HLA-DPB1: variants seen among roughly 807,000 people sequenced by gnomAD.
HLA-DPB1 encodes major histocompatibility complex, class II, DP beta 1.
A neutral mutation model predicts 29.4 loss-of-function variants in HLA-DPB1; 30 were observed. The observed-to-expected ratio is 1.02, with a 90% CI of 0.76 to 1.38. The LOEUF (loss-of-function observed/expected upper bound fraction) is 1.38. Ranked by LOEUF, HLA-DPB1 falls within the 40% of genes most tolerant of loss-of-function variation. The pLI, the probability that HLA-DPB1 is intolerant of heterozygous loss-of-function variation, is 0.00. For synonymous variants in HLA-DPB1, 114 were observed against 134.0 expected, an observed-to-expected ratio of 0.85 and a Z score of 1.03; for missense variants, 261 against 327.5, an observed-to-expected ratio of 0.80 and a Z score of 1.57.
intron 2 of HLA-DPB1, 23 bp from the exon 3 acceptor site, chr6:33,084,927 T>C (rs1413747086): frequency 2.1e-6 from 3 of 1,433,504 alleles, no homozygotes; most frequent in East Asian, 2.5e-5. Context: ...TTCTATTTCA[T>C]TATTTTTCTT....
At chr6:33,076,500 G>A (rs1047663925) in intron 1 of HLA-DPB1, among the ~76,000 whole-genome samples, 6 of 152,186 alleles carry the variant, frequency 3.9e-5, no homozygotes, top group African/African-American at 1.2e-4. Flanking sequence ...CAGCCTGGAG[G>A]GGACTCAGGC....
In HLA-DPB1 at chr6:33,087,396, T is replaced by C. The variant is rs1479588172; in HGVS notation, c.*862T>C. ...AAAGCAATACATGTAGCACTCTTTT[T>C]CAAACACTGGTCTTTTTTTTTTTCT... is the stretch of plus-strand genomic sequence containing the variant. On this transcript the variant is annotated 3_prime_UTR_variant, in exon 6 of 6. Coordinates refer to ENST00000418931, the MANE Select transcript of HLA-DPB1 (RefSeq NM_002121.6). Among the ~76,000 whole-genome samples the C allele has an allele frequency of 6.8e-6, 1 of 147,736 alleles. No individual in the cohort carries two copies. The highest frequency in any genetic ancestry group is 1.5e-5 in the Non-Finnish European group (1 of 67,312).
In HLA-DPB1 at chr6:33,085,217, T is replaced by A; in HGVS notation, c.632T>A (p.Val211Asp). Residue 211 changes from valine to aspartate, a missense_variant, in exon 3 of 6, where the codon GTC becomes GAC. By Grantham distance (152) the Val-to-Asp change is radical (BLOSUM62 -3). Transcript: ENST00000418931. The stretch of plus-strand genomic sequence containing the variant: ...GAGCACACCAGCCTGGATAGTCCTG[T>A]CACCGTGGAGTGGAGTGAGTCTCTG... ...QVEHTSLDSP[V>D]TVEWKAQSDS... 1 of 1,608,058 alleles carries A rather than the reference T, an allele frequency of 6.2e-7. No individual in the cohort carries two copies. Among genetic ancestry groups the A allele is most frequent in the Non-Finnish European group, 8.5e-7 (1 of 1,175,886 alleles).
chr6:33,083,216 G>A (rs73741636), intron 2 of HLA-DPB1, among the ~76,000 whole-genome samples: 1,854 of 152,302 alleles, frequency 0.012, 13 homozygotes, highest in South Asian at 0.023. Context: ...AATACAATAG[G>A]GAGTAAGGGT....
At chr6:33,086,069 C>A in intron 4 of HLA-DPB1, 150 bp from the exon 5 acceptor site, 1 of 820,148 alleles carries the variant, frequency 1.2e-6, no homozygotes, top group Non-Finnish European at 2.1e-6. Context: ...GATCTTAATG[C>A]AGCCAGATGC....
At chr6:33,085,518 ACAGTTCTCTTCCTT>A (rs1395208962) in intron 3 of HLA-DPB1, among the ~76,000 whole-genome samples, 1 of 152,162 alleles carries the variant, frequency 6.6e-6, no homozygotes, top group Non-Finnish European at 1.5e-5. Flanking sequence ...ACACATAGGA[ACAGTTCTCTTCCTT>A]CAGCATTTTA....
At chr6:33,085,560 T>A (rs1423593176) in intron 3 of HLA-DPB1, among the ~76,000 whole-genome samples, 1 of 152,172 alleles carries the variant, frequency 6.6e-6, no homozygotes, top group African/African-American at 2.4e-5. Context: ...CTCAGGCATT[T>A]TGAGAGGCAA....
intron 2 of HLA-DPB1, 85 bp downstream of exon 2, chr6:33,081,020 G>A (rs1762839083): frequency 4.3e-6 from 6 of 1,406,338 alleles, no homozygotes; most frequent in Admixed American, 2.7e-5. Context: ...TTGGCCTAAG[G>A]GACCTTAGTG....
chr6:33,080,688 G>GTTAC lies in HLA-DPB1; in HGVS notation c.117_118insTTAC (p.Gly40LeufsTer10), dbSNP rs1247614486. ...TCCCCGCAGAGAATTACCTTTTCCA[G>GTTAC]GGACGGCAGGAATGCTACGCGTTTA... On this transcript the variant is annotated frameshift_variant, in exon 2 of 6. Transcript: ENST00000418931. LOFTEE classifies it high-confidence loss of function. The surrounding 1 kb of genome is among the most constrained non-coding windows in gnomAD (Gnocchi z 4.3). The GTTAC allele has an allele frequency of 1.2e-6, 2 of 1,612,686 alleles. No homozygotes were observed. Among genetic ancestry groups the GTTAC allele is most frequent in the Non-Finnish European group, 1.7e-6 (2 of 1,179,518 alleles).
rs41553216 is a variant in HLA-DPB1, at chr6:33,080,857, G to T, written c.286G>T (p.Glu96Ter). 1.1e-5 allele frequency: 18 copies of T among 1,613,342 alleles called. No individual in the cohort carries two copies. In the African/African-American group the frequency reaches 2.1e-4, roughly 19 times the overall value. Residue 96 changes from glutamate to a stop codon, truncating the protein, a stop_gained, in exon 2 of 6, where the codon GAG becomes TAG. Transcript: ENST00000418931. LOFTEE classifies it high-confidence loss of function. The surrounding 1 kb of genome is among the most constrained non-coding windows in gnomAD (Gnocchi z 4.3). ...CTGGAACAGCCAGAAGGACATCCTGGAGGAGAAGCGGGCAGTGCCGGACAG... is the reference window on the plus strand; with the variant it reads ...CTGGAACAGCCAGAAGGACATCCTGTAGGAGAAGCGGGCAGTGCCGGACAG... ...EYWNSQKDILEEKRAVPDRMC... is the reference protein window; with the variant it reads ...EYWNSQKDIL
intron 1 of HLA-DPB1, among the ~76,000 whole-genome samples, chr6:33,076,871 T>C (rs1424462397): frequency 6.6e-6 from 1 of 152,152 alleles, no homozygotes; most frequent in Non-Finnish European, 1.5e-5. Context: ...TGTAATATTA[T>C]GGCATCTATG....
rs897703906 is a variant in HLA-DPB1, at chr6:33,089,206, C to T, written c.*2672C>T. On this transcript the variant is annotated 3_prime_UTR_variant, in exon 6 of 6. Coordinates refer to ENST00000418931, the MANE Select transcript of HLA-DPB1 (RefSeq NM_002121.6). Reference sequence around the variant, plus strand: ...CTTACCATAGTTGATGCCTTTTGAGCATGTTGCATTGTAAACTGTCCCTGA... The same window carrying T: ...CTTACCATAGTTGATGCCTTTTGAGTATGTTGCATTGTAAACTGTCCCTGA... Among the ~76,000 whole-genome samples the T allele has an allele frequency of 1.3e-5, 2 of 152,282 alleles. No homozygotes were observed. Among genetic ancestry groups the T allele is most frequent in the African/African-American group, 4.8e-5 (2 of 41,562 alleles).
rs1763118096 is a variant in HLA-DPB1 at position 33,086,586 on chromosome 6, T to C, written c.*52T>C. 5.2e-6 allele frequency: 3 copies of C among 574,328 alleles called. No homozygotes were observed. Among genetic ancestry groups the C allele is most frequent in the Admixed American group, 2.2e-5 (1 of 45,110 alleles). The allele number at this position is 574,328 out of a possible 1,614,324, so 35.6% of individuals were successfully genotyped here. ...ACTATTGTGCCTTAGGAAAAGCATT[T>C]GCTGTGTTTCGTTAGCATCTGGCTC... On this transcript the variant is annotated 3_prime_UTR_variant, in exon 6 of 6. Transcript: ENST00000418931.
rs41547418 is a variant in HLA-DPB1, at chr6:33,080,854, C to T, written c.283C>T (p.Leu95=). The T allele has an allele frequency of 4.3e-6, 7 of 1,613,506 alleles. No individual in the cohort carries two copies. The highest frequency in any genetic ancestry group is 5.9e-6 in the Non-Finnish European group (7 of 1,179,810). Reference sequence around the variant, plus strand: ...GTACTGGAACAGCCAGAAGGACATCCTGGAGGAGAAGCGGGCAGTGCCGGA... The same window carrying T: ...GTACTGGAACAGCCAGAAGGACATCTTGGAGGAGAAGCGGGCAGTGCCGGA... ...AEYWNSQKDI[L]EEKRAVPDRM... The change falls in exon 2 of 6, where the codon CTG becomes TTG. Residue 95 remains leucine, a synonymous_variant. Coordinates refer to ENST00000418931, the MANE Select transcript of HLA-DPB1 (RefSeq NM_002121.6). The surrounding 1 kb of genome is among the most constrained non-coding windows in gnomAD (Gnocchi z 4.3).
chr6:33,083,307 A>G (rs1201856458), intron 2 of HLA-DPB1, among the ~76,000 whole-genome samples: 1 of 152,194 alleles, frequency 6.6e-6, no homozygotes, highest in Non-Finnish European at 1.5e-5. Context: ...GTAGAAAGGA[A>G]AGAACTGAGT....
chr6:33,084,604 G>A (rs1763012297), intron 2 of HLA-DPB1, among the ~76,000 whole-genome samples: 1 of 152,094 alleles, frequency 6.6e-6, no homozygotes, highest in Non-Finnish European at 1.5e-5. Context: ...TAGAGAACCA[G>A]GCTGACCAAC....
chr6:33,080,953 G>A lies in HLA-DPB1; in HGVS notation c.364+18G>A. ...GCGCCGAGGTGAGTGAGGGCTTTGG[G>A]CCGGCGGTCCCAGGGCAGCCCCGCG... On this transcript the variant is annotated intron_variant, in intron 2 of 5. Transcript: ENST00000418931. The surrounding 1 kb of genome is among the most constrained non-coding windows in gnomAD (Gnocchi z 4.3). The A allele has an allele frequency of 1.3e-6, 2 of 1,563,584 alleles. No individual in the cohort carries two copies. Among genetic ancestry groups the A allele is most frequent in the African/African-American group, 1.3e-5 (1 of 74,302 alleles).
At position 33,080,320 on chromosome 6, in the gene HLA-DPB1, C is replaced by T. The variant is rs1762767394; in HGVS notation, c.101-352C>T. 6.4e-6 allele frequency: 3 copies of T among 467,994 alleles called. No individual in the cohort carries two copies. Among genetic ancestry groups the T allele is most frequent in the South Asian group, 1.7e-5 (1 of 57,184 alleles). 29.0% of individuals were successfully genotyped at this position (467,994 alleles called of 1,614,324 possible). ...AGCTCCGCCCTCCACGTCCCCAGCT[C>T]CTCCCGCCCCTGTTTTTTCTCCCAG... On this transcript the variant is annotated intron_variant, in intron 1 of 5. Transcript: ENST00000418931. The surrounding 1 kb of genome is among the most constrained non-coding windows in gnomAD (Gnocchi z 4.3).
At chr6:33,077,049 C>T (rs1762574619) in intron 1 of HLA-DPB1, among the ~76,000 whole-genome samples, 1 of 149,958 alleles carries the variant, frequency 6.7e-6, no homozygotes, top group African/African-American at 2.5e-5. Flanking sequence ...AGGTATATTT[C>T]CTAATGCTAT....
Sources: gnomAD v4.1 joint callset for allele counts (sites outside exome capture counted in the v4.1 genomes callset) on GRCh38, gnomAD v4.1.1 for gene constraint, Gnocchi (gnomAD v3.1) non-coding constraint, MANE v1.5 for transcripts, NCBI Gene and HGNC (gene_info 2026-07-23, HGNC 2026-07-21) for gene names.